GRAMD1C: variants seen among roughly 807,000 people sequenced by gnomAD.
GRAMD1C encodes the protein GRAM domain containing 1C, also known as protein Aster-C.
Under a neutral mutation model 97.8 loss-of-function variants are expected in GRAMD1C, and 89 were observed. The observed-to-expected ratio is 0.91, with a 90% CI of 0.77 to 1.09. GRAMD1C has a LOEUF of 1.09. Ranked by LOEUF, GRAMD1C falls within the 50% of genes least tolerant of loss-of-function variation. The pLI is 0.00. For missense variants in GRAMD1C, 740 were observed against 766.4 expected (o/e 0.97, Z 0.41); for synonymous variants, 256 against 267.0 (o/e 0.96, Z 0.40).
At position 113,840,406 on chromosome 3, in the gene GRAMD1C, A is replaced by G. The variant is rs1433764508; in HGVS notation, c.27+1470A>G. 2.0e-5 allele frequency among the ~76,000 whole-genome samples: 3 copies of G among 152,218 alleles called. No homozygotes were observed. In the East Asian group the frequency reaches 5.8e-4, roughly 29 times the overall value. ...TTTTTTTCACCCTTGATGTTTGATG[A>G]CTGACCTGCACCATTTGAATTTGAA... On this transcript the variant is annotated intron_variant, in intron 1 of 17. Coordinates refer to ENST00000358160, the MANE Select transcript of GRAMD1C (RefSeq NM_017577.5).
chr3:113,870,604 G>A lies in GRAMD1C; in HGVS notation c.259+1013G>A, dbSNP rs150857363. Among the ~76,000 whole-genome samples, 1,327 of 152,154 alleles carry A rather than the reference G, an allele frequency of 8.7e-3. 20 individuals carry two copies. Among genetic ancestry groups the A allele is most frequent in the African/African-American group, 0.028 (1,160 of 41,502 alleles). Reference sequence around the variant, plus strand: ...GGAATTGGGATGTTTCTAATACAAAGATATGATAAATAGTTGAGGTGATGA... The same window carrying A: ...GGAATTGGGATGTTTCTAATACAAAAATATGATAAATAGTTGAGGTGATGA... On this transcript the variant is annotated intron_variant, in intron 3 of 17. Transcript: ENST00000358160.
chr3:113,920,627 C>T (rs894122241), intron 10 of GRAMD1C, among the ~76,000 whole-genome samples: 3 of 152,006 alleles, frequency 2.0e-5, no homozygotes, highest in Non-Finnish European at 4.4e-5. Context: ...CTGCAACCTC[C>T]GCCTCCTGGG....
At chr3:113,838,960 C>A in intron 1 of GRAMD1C, 24 bp downstream of exon 1, 1 of 1,237,192 alleles carries the variant, frequency 8.1e-7, no homozygotes, top group Non-Finnish European at 1.0e-6. Flanking sequence ...CTCGCTGGGG[C>A]AGGTTCCCAT....
intron 1 of GRAMD1C, among the ~76,000 whole-genome samples, chr3:113,839,219 C>T (rs531185100): frequency 6.6e-6 from 1 of 152,206 alleles, no homozygotes; most frequent in African/African-American, 2.4e-5. Context: ...GCCCCAGGCC[C>T]CCTTGGGTCA....
At position 113,897,672 on chromosome 3, in the gene GRAMD1C, G is replaced by A. The variant is rs908183913; in HGVS notation, c.541-3359G>A. 8 of 982,000 alleles carry A rather than the reference G, an allele frequency of 8.1e-6. No homozygotes were observed. The African/African-American group carries it at 1.2e-4, about 15-fold the overall frequency. 60.8% of individuals were successfully genotyped at this position (982,000 alleles called of 1,614,324 possible). The stretch of plus-strand genomic sequence containing the variant: ...TGGAGCTCTGCTGTGCATAGAGATG[G>A]CAACATACTTAGAATACACAGCTTT... On this transcript the variant is annotated intron_variant, in intron 6 of 17. Coordinates refer to ENST00000358160, the MANE Select transcript of GRAMD1C (RefSeq NM_017577.5).
chr3:113,831,966 T>C (rs1709562752), intron 1 of GRAMD1C, among the ~76,000 whole-genome samples: 1 of 152,156 alleles, frequency 6.6e-6, no homozygotes, highest in African/African-American at 2.4e-5. Context: ...GGTCAAACTG[T>C]CTTGTTTCTT....
chr3:113,838,030 A>G (rs1424334981), upstream of GRAMD1C, among the ~76,000 whole-genome samples: 1 of 152,250 alleles, frequency 6.6e-6, no homozygotes, highest in Non-Finnish European at 1.5e-5. Context: ...TGTCCGAGGC[A>G]ATAGATGATA....
At chr3:113,938,063 A>C (rs372157549) in intron 14 of GRAMD1C, 23 bp from the exon 15 acceptor site, 124 of 1,333,930 alleles carry the variant, frequency 9.3e-5, no homozygotes, top group Non-Finnish European at 1.2e-4. Context: ...ATTCTAATGC[A>C]GCCTTTTTCT....
chr3:113,857,220 TC>T (rs1480949771), intron 2 of GRAMD1C, among the ~76,000 whole-genome samples: 3 of 152,152 alleles, frequency 2.0e-5, no homozygotes, highest in Non-Finnish European at 4.4e-5. Context: ...GGCTGAAACT[TC>T]CAACGCTATG....
upstream of GRAMD1C, among the ~76,000 whole-genome samples, chr3:113,835,941 T>C (rs1360695879): frequency 1.3e-5 from 2 of 152,214 alleles, no homozygotes; most frequent in Non-Finnish European, 1.5e-5. Flanking sequence ...TTAAGTAATT[T>C]GTCCTTTAGT....
At chr3:113,945,301 T>C (rs1938013482) in intron 17 of GRAMD1C, 97 bp from the exon 18 acceptor site, 2 of 729,202 alleles carry the variant, frequency 2.7e-6, no homozygotes, top group South Asian at 3.1e-5. Flanking sequence ...AACAAAACTA[T>C]ATTAAGTGTC....
At chr3:113,852,861 T>G (rs1334720085) in intron 2 of GRAMD1C, among the ~76,000 whole-genome samples, 2 of 152,224 alleles carry the variant, frequency 1.3e-5, no homozygotes, top group Non-Finnish European at 2.9e-5. Flanking sequence ...AACTTGTCTG[T>G]CTAAGCCAGG....
intron 3 of GRAMD1C, among the ~76,000 whole-genome samples, chr3:113,871,186 A>G (rs1039968162): frequency 7.9e-5 from 12 of 152,084 alleles, no homozygotes; most frequent in African/African-American, 2.7e-4. Context: ...AAACTTCACA[A>G]ATGTTCTAGG....
At chr3:113,937,297 A>T (rs555407381) in intron 14 of GRAMD1C, among the ~76,000 whole-genome samples, 2 of 152,272 alleles carry the variant, frequency 1.3e-5, no homozygotes, top group African/African-American at 2.4e-5. Context: ...CTTAGTGTTG[A>T]CTATGTTTAT....
At position 113,878,217 on chromosome 3, in the gene GRAMD1C, T is replaced by C. The variant is rs78674446; in HGVS notation, c.459+1957T>C. ...AATTATAAGCCATTACTATCATTAT[T>C]TATTTTGATGCTCACATTGTCCCAA... On this transcript the variant is annotated intron_variant, in intron 5 of 17. Transcript: ENST00000358160. 2.9e-3 allele frequency among the ~76,000 whole-genome samples: 438 copies of C among 152,334 alleles called. 19 individuals are homozygous for C. In the East Asian group the frequency reaches 0.082, roughly 29 times the overall value.
intron 2 of GRAMD1C, among the ~76,000 whole-genome samples, chr3:113,853,383 A>G (rs1933990631): frequency 6.6e-6 from 1 of 152,240 alleles, no homozygotes; most frequent in Non-Finnish European, 1.5e-5. Flanking sequence ...TCCGTTATGA[A>G]TCTAATAGCA....
chr3:113,942,532 C>T (rs1937852639), intron 17 of GRAMD1C, among the ~76,000 whole-genome samples: 1 of 152,152 alleles, frequency 6.6e-6, no homozygotes, highest in Non-Finnish European at 1.5e-5. Context: ...GAGAAGACTC[C>T]TCCAGTCTCC....
Position 113,940,258 on chromosome 3 carries a change from G to A in GRAMD1C, c.1821G>A (p.Val607=). The A allele has an allele frequency of 6.2e-7, 1 of 1,601,514 alleles. No individual in the cohort carries two copies. Among genetic ancestry groups the A allele is most frequent in the Non-Finnish European group, 8.6e-7 (1 of 1,168,498 alleles). The change falls in exon 17 of 18, where the codon GTG becomes GTA. Residue 607 remains valine (V), a synonymous_variant. Coordinates refer to ENST00000358160, the MANE Select transcript of GRAMD1C (RefSeq NM_017577.5). ...EKSLNLASDM[V]SRAETIQKNK... ...CTTTCAGTTTAGCCTCTGATATGGTGTCAAGAGCAGAAACTATTCAGAAGA... is the reference window on the plus strand; with the variant it reads ...CTTTCAGTTTAGCCTCTGATATGGTATCAAGAGCAGAAACTATTCAGAAGA...
intron 3 of GRAMD1C, among the ~76,000 whole-genome samples, chr3:113,873,732 T>A (rs954315799): frequency 2.6e-5 from 4 of 152,186 alleles, no homozygotes; most frequent in Admixed American, 2.0e-4. Flanking sequence ...TTGGCCAGGC[T>A]GGTCTCAAAC....
Sources: allele counts gnomAD v4.1 joint callset (sites outside exome capture counted in the v4.1 genomes callset), GRCh38; gene constraint gnomAD v4.1.1; transcripts MANE v1.5; gene names NCBI Gene and HGNC (gene_info 2026-07-23, HGNC 2026-07-21).